Variants in GLYR1 observed in about 807,000 individuals in gnomAD.
The protein encoded by GLYR1 is glyoxylate reductase 1 homolog, also known as cytokine-like nuclear factor N-PAC.
A neutral mutation model predicts 72.7 loss-of-function variants in GLYR1; 21 were observed. That is an observed-to-expected ratio of 0.29 (90% confidence interval 0.20 to 0.42). The LOEUF is 0.42. Among genes scored for constraint, GLYR1 ranks in the 10% least tolerant of loss-of-function variants. GLYR1 has a pLI of 1.00. For missense variants in GLYR1, 594 were observed against 712.1 expected (o/e 0.83, Z 1.89); for synonymous variants, 392 against 270.2 (o/e 1.45, Z -4.42).
At chr16:4,822,442 G>A (rs1044035337) in intron 7 of GLYR1, among the ~76,000 whole-genome samples, 1 of 151,994 alleles carries the variant, frequency 6.6e-6, no homozygotes, top group Non-Finnish European at 1.5e-5. Context: ...CCAGTCTGGA[G>A]TGCAGCGACG....
Position 4,820,328 on chromosome 16 carries a change from C to T in GLYR1, c.806+1052G>A, listed in dbSNP as rs78989238. On this transcript the variant is annotated intron_variant, in intron 9 of 15. Coordinates refer to ENST00000321919, the MANE Select transcript of GLYR1 (RefSeq NM_032569.4). ...TTTAATATGGCAACTGAGAGTCCTT[C>T]ACACTGTGTCTCAGACAAAATGGAA... 5.2e-3 allele frequency among the ~76,000 whole-genome samples: 797 copies of T among 152,266 alleles called. 13 individuals are homozygous for T. Among genetic ancestry groups the T allele is most frequent in the South Asian group, 0.037 (180 of 4,818 alleles).
At chr16:4,833,836 C>T (rs1427136446) in intron 3 of GLYR1, among the ~76,000 whole-genome samples, 1 of 152,164 alleles carries the variant, frequency 6.6e-6, no homozygotes, top group Non-Finnish European at 1.5e-5. Context: ...TCTATGGCTT[C>T]CCTGAATGGC....
At chr16:4,842,694 G>C (rs1312074594) in intron 3 of GLYR1, among the ~76,000 whole-genome samples, 1 of 147,516 alleles carries the variant, frequency 6.8e-6, no homozygotes, top group Admixed American at 6.8e-5. Context: ...CATTCATTCT[G>C]CACATAATCT....
intron 11 of GLYR1, 92 bp from the exon 12 acceptor site, chr16:4,813,930 T>C (rs1052986574): frequency 1.3e-5 from 13 of 963,536 alleles, no homozygotes; most frequent in Non-Finnish European, 1.9e-5. Context: ...TGCTGCTGTT[T>C]TGGCTCATTT....
intron 13 of GLYR1, 67 bp from the exon 14 acceptor site, chr16:4,811,869 T>C: frequency 6.5e-7 from 1 of 1,528,898 alleles, no homozygotes; most frequent in Non-Finnish European, 8.8e-7. Context: ...CTGTCCACCC[T>C]CACCTCTGCT....
intron 10 of GLYR1, 28 bp from the exon 11 acceptor site, chr16:4,814,675 G>T: frequency 6.5e-7 from 1 of 1,527,348 alleles, no homozygotes; most frequent in South Asian, 1.1e-5. Context: ...CCTAACGTGA[G>T]CTGCAGGCAG....
At chr16:4,829,733 C>T (rs1052180118) in intron 5 of GLYR1, among the ~76,000 whole-genome samples, 3 of 151,876 alleles carry the variant, frequency 2.0e-5, no homozygotes, top group African/African-American at 4.8e-5. Context: ...AGTGCAGTGG[C>T]GCAATCTCGG....
Position 4,812,279 on chromosome 16 carries a change from C to T in GLYR1, c.1120-31G>A, listed in dbSNP as rs1427344155. 1.9e-6 allele frequency: 3 copies of T among 1,599,406 alleles called. No individual in the cohort carries two copies. In the Admixed American group the frequency reaches 5.1e-5, roughly 27 times the overall value. Reference sequence around the variant, plus strand: ...AAGAAAAGTCACAGCTTCTGGAGGCCTCCCCTCTCCCAGCGCTCTCTGGGC... The same window carrying T: ...AAGAAAAGTCACAGCTTCTGGAGGCTTCCCCTCTCCCAGCGCTCTCTGGGC... On this transcript the variant is annotated intron_variant, in intron 12 of 15. Coordinates refer to ENST00000321919, the MANE Select transcript of GLYR1 (RefSeq NM_032569.4).
intron 12 of GLYR1, 57 bp downstream of exon 12, chr16:4,813,680 G>T: frequency 7.0e-7 from 1 of 1,431,356 alleles, no homozygotes; most frequent in Non-Finnish European, 9.6e-7. Flanking sequence ...TTGTAAGCCT[G>T]GGTCTTGGGC....
chr16:4,812,687 T>A (rs1005449887), intron 12 of GLYR1, among the ~76,000 whole-genome samples: 3 of 150,428 alleles, frequency 2.0e-5, no homozygotes, highest in Non-Finnish European at 4.4e-5. Flanking sequence ...AGAGACAGGT[T>A]TCACCATATT....
At chr16:4,808,766 G>A (rs901509560) in intron 15 of GLYR1, among the ~76,000 whole-genome samples, 2 of 151,316 alleles carry the variant, frequency 1.3e-5, no homozygotes, top group African/African-American at 4.9e-5. Context: ...CTATGAAGAT[G>A]AGCTAAGAAA....
intron 13 of GLYR1, 136 bp downstream of exon 13, chr16:4,811,950 C>G (rs1215057865): frequency 7.0e-7 from 1 of 1,420,634 alleles, no homozygotes; most frequent in African/African-American, 1.4e-5. Context: ...TCCTTCCACG[C>G]ACTGACTATG....
Position 4,847,268 on chromosome 16 carries a change from T to G in GLYR1, c.-3A>C, listed in dbSNP as rs1365141346. The G allele has an allele frequency of 6.2e-7, 1 of 1,609,994 alleles. No homozygotes were observed. Among genetic ancestry groups the G allele is most frequent in the Non-Finnish European group, 8.5e-7 (1 of 1,178,926 alleles). ...AGCCGCAGACTCACAGCCGCCATCT[T>G]ACCACCCAACCACCGCCGACGCACG... On this transcript the variant is annotated 5_prime_UTR_variant, in exon 1 of 16. Transcript: ENST00000321919.
chr16:4,841,536 T>C (rs73517021), intron 3 of GLYR1, among the ~76,000 whole-genome samples: 3,442 of 140,512 alleles, frequency 0.024, 130 homozygotes, highest in African/African-American at 0.086. Context: ...TCCCAGCTAC[T>C]CGGACTGCTG....
At chr16:4,805,412 T>C in intron 15 of GLYR1, 102 bp from the exon 16 acceptor site, 1 of 961,784 alleles carries the variant, frequency 1.0e-6, no homozygotes, top group South Asian at 1.4e-5. Flanking sequence ...CAGGCAGTGC[T>C]GGAGCCCAGG....
At chr16:4,847,122 G>A in intron 1 of GLYR1, 106 bp downstream of exon 1, 2 of 1,077,332 alleles carry the variant, frequency 1.9e-6, no homozygotes, top group South Asian at 2.7e-5. Context: ...CCCTCTCTCC[G>A]CGACCTGGAG....
In GLYR1 at chr16:4,842,354, T is replaced by C. The variant is rs1230257445; in HGVS notation, c.155+2720A>G. Among the ~76,000 whole-genome samples, 3 of 152,282 alleles carry C rather than the reference T, an allele frequency of 2.0e-5. No homozygotes were observed. In the East Asian group the frequency reaches 5.8e-4, roughly 29 times the overall value. ...CCACTGAGCTCTCCCTCTTCTAGAA[T>C]TCTTTTTCTTTTTAAGACAGGGTCT... On this transcript the variant is annotated intron_variant, in intron 3 of 15. Transcript: ENST00000321919.
intron 5 of GLYR1, among the ~76,000 whole-genome samples, chr16:4,829,254 T>G (rs7186281): frequency 0.076 from 11,620 of 152,110 alleles, 546 homozygotes; most frequent in Non-Finnish European, 0.088. Flanking sequence ...GACATATTTT[T>G]GAACTAAGCA....
intron 1 of GLYR1, 93 bp from the exon 2 acceptor site, chr16:4,846,303 T>C (rs2142067007): frequency 2.2e-6 from 3 of 1,389,754 alleles, no homozygotes; most frequent in Non-Finnish European, 3.1e-6. Flanking sequence ...CCTAAATCTC[T>C]GCTGGCATCC....
Sources: allele counts gnomAD v4.1 joint callset (sites outside exome capture counted in the v4.1 genomes callset), GRCh38; gene constraint gnomAD v4.1.1; transcripts MANE v1.5; gene names NCBI Gene and HGNC (gene_info 2026-07-23, HGNC 2026-07-21).